DNAAF9: variants seen among roughly 807,000 people sequenced by gnomAD.
The protein encoded by DNAAF9 is shulin.
A neutral mutation model predicts 167.0 loss-of-function variants in DNAAF9; 90 were observed. The observed-to-expected ratio is 0.54, with a 90% CI of 0.45 to 0.64. The LOEUF (loss-of-function observed/expected upper bound fraction) is 0.64, where lower values mean the gene tolerates loss of function less well. DNAAF9 is among the 30% of genes least tolerant of loss of function. The pLI is 0.00. For missense variants in DNAAF9, 1,315 were observed against 1,442.2 expected (o/e 0.91, Z 1.43); for synonymous variants, 491 against 508.8 (o/e 0.96, Z 0.47).
intron 25 of DNAAF9, among the ~76,000 whole-genome samples, chr20:3,292,721 G>C (rs573672478): frequency 1.3e-5 from 2 of 150,468 alleles, no homozygotes; most frequent in South Asian, 2.1e-4. Flanking sequence ...AGCCGAGATC[G>C]GGCCCCTGCA....
chr20:3,258,824 A>C (rs528317719), intron 33 of DNAAF9, among the ~76,000 whole-genome samples: 1 of 151,632 alleles, frequency 6.6e-6, no homozygotes, highest in South Asian at 2.1e-4. Context: ...TAACAGACGC[A>C]CTCCCTCTCT....
intron 7 of DNAAF9, among the ~76,000 whole-genome samples, chr20:3,354,972 C>T (rs867300025): frequency 1.6e-4 from 24 of 152,278 alleles, no homozygotes; most frequent in South Asian, 1.2e-3. Context: ...ATTAAAGATG[C>T]TCTCCCGAGT....
chr20:3,350,428 T>C (rs2070300087), intron 7 of DNAAF9, among the ~76,000 whole-genome samples: 1 of 152,094 alleles, frequency 6.6e-6, no homozygotes, highest in Admixed American at 6.6e-5. Flanking sequence ...TGTATACAGG[T>C]ATCTTATCTA....
chr20:3,345,494 A>C (rs6037562), intron 8 of DNAAF9, among the ~76,000 whole-genome samples: 29,874 of 152,118 alleles, frequency 0.2, 3,139 homozygotes, highest in African/African-American at 0.25. Context: ...AGAGCTAGTG[A>C]ACTGTATAGC....
At chr20:3,289,081 C>A (rs1168196591) in intron 26 of DNAAF9, among the ~76,000 whole-genome samples, 1 of 152,138 alleles carries the variant, frequency 6.6e-6, no homozygotes, top group African/African-American at 2.4e-5. Flanking sequence ...TGCACAGTAG[C>A]GTGTGCCTGT....
chr20:3,316,028 C>A, intron 18 of DNAAF9: 1 of 557,844 alleles, frequency 1.8e-6, no homozygotes. Flanking sequence ...TTATGACAAG[C>A]AGAGGGGATG....
chr20:3,340,433 T>TCCCCAC, intron 10 of DNAAF9, 71 bp downstream of exon 10: 1 of 221,214 alleles, frequency 4.5e-6, no homozygotes, highest in Non-Finnish European at 9.5e-6. Context: ...TTTGTCTAGC[T>TCCCCAC]CCCCCCACCC....
At chr20:3,271,088 C>T (rs1326005883) in intron 29 of DNAAF9, among the ~76,000 whole-genome samples, 1 of 152,102 alleles carries the variant, frequency 6.6e-6, no homozygotes, top group Non-Finnish European at 1.5e-5. Flanking sequence ...GCTGGGATTA[C>T]AGACATGAGC....
intron 20 of DNAAF9, among the ~76,000 whole-genome samples, chr20:3,311,952 A>C (rs546216515): frequency 6.6e-6 from 1 of 152,138 alleles, no homozygotes; most frequent in South Asian, 2.1e-4. Flanking sequence ...GCTGAAAAAA[A>C]CTTCAAGGTA....
intron 20 of DNAAF9, among the ~76,000 whole-genome samples, chr20:3,306,448 C>A (rs76517610): frequency 0.041 from 6,306 of 152,288 alleles, 189 homozygotes; most frequent in African/African-American, 0.084. Flanking sequence ...GCAGTATTTA[C>A]TAAGCACCAC....
intron 27 of DNAAF9, among the ~76,000 whole-genome samples, chr20:3,286,720 T>C (rs2068858794): frequency 1.3e-5 from 2 of 152,066 alleles, no homozygotes; most frequent in Non-Finnish European, 2.9e-5. Flanking sequence ...TCAGTACCAC[T>C]CTCCCAGCTT....
At chr20:3,365,057 C>T (rs546760245) in intron 6 of DNAAF9, among the ~76,000 whole-genome samples, 111 of 151,960 alleles carry the variant, frequency 7.3e-4, no homozygotes, top group African/African-American at 2.6e-3. Context: ...TCCAGAAAGA[C>T]TGCTTCCTTC....
At chr20:3,290,787 C>A (rs1256533611) in intron 25 of DNAAF9, among the ~76,000 whole-genome samples, 1 of 135,314 alleles carries the variant, frequency 7.4e-6, no homozygotes, top group Non-Finnish European at 1.6e-5. Flanking sequence ...AGGGCTAAGT[C>A]TTTTTTTTTT....
intron 3 of DNAAF9, among the ~76,000 whole-genome samples, 168 bp from the exon 4 acceptor site, chr20:3,376,470 T>C (rs1312125310): frequency 6.6e-6 from 1 of 152,206 alleles, no homozygotes; most frequent in Non-Finnish European, 1.5e-5. Flanking sequence ...CCAAAAAGTA[T>C]CTGAGACAAG....
At chr20:3,353,259 C>T (rs1323713789) in intron 7 of DNAAF9, among the ~76,000 whole-genome samples, 1 of 152,016 alleles carries the variant, frequency 6.6e-6, no homozygotes, top group Non-Finnish European at 1.5e-5. Context: ...GTGCCCAAAG[C>T]CACCCATCTC....
Position 3,315,936 on chromosome 20 carries a change from G to A in DNAAF9, c.1540-151C>T, listed in dbSNP as rs935681640. 21 of 686,310 alleles carry A rather than the reference G, an allele frequency of 3.1e-5. No individual in the cohort carries two copies. Among genetic ancestry groups the A allele is most frequent in the Non-Finnish European group, 5.3e-5 (20 of 379,686 alleles). 42.5% of individuals were successfully genotyped at this position (686,310 alleles called of 1,614,324 possible). ...AGTGCTCTCAGGCCCTGACACACCT[G>A]AGATGTCTGCTGGTCACCTGGGCTC... On this transcript the variant is annotated intron_variant, in intron 18 of 36. Transcript: ENST00000252032. The surrounding 1 kb of genome is among the most constrained non-coding windows in gnomAD (Gnocchi z 4.1).
Position 3,396,996 on chromosome 20 carries a change from C to T in DNAAF9, c.83+10479G>A, listed in dbSNP as rs147345010. On this transcript the variant is annotated intron_variant, in intron 1 of 36. Coordinates refer to ENST00000252032, the MANE Select transcript of DNAAF9 (RefSeq NM_001009984.3). ...GCATGGTGGCTTATGCCTGTAATCC[C>T]AGCACTGGGGGAGGTCAAGGCAGGC... is the stretch of plus-strand genomic sequence containing the variant. Among the ~76,000 whole-genome samples, 136 of 152,282 alleles carry T rather than the reference C, an allele frequency of 8.9e-4. 1 individual carries two copies. Among genetic ancestry groups the T allele is most frequent in the African/African-American group, 3.1e-3 (128 of 41,570 alleles).
intron 1 of DNAAF9, among the ~76,000 whole-genome samples, chr20:3,388,164 T>C (rs2083778022): frequency 1.3e-5 from 2 of 151,902 alleles, no homozygotes; most frequent in Non-Finnish European, 2.9e-5. Flanking sequence ...ACACCTCTAA[T>C]CATTAGAGAA....
At chr20:3,385,486 T>C (rs1394496944) in intron 1 of DNAAF9, among the ~76,000 whole-genome samples, 2 of 152,090 alleles carry the variant, frequency 1.3e-5, no homozygotes, top group Non-Finnish European at 2.9e-5. Context: ...GGTGTGATCA[T>C]AGCTCACTGC....
Sources: allele counts gnomAD v4.1 joint callset (sites outside exome capture counted in the v4.1 genomes callset), GRCh38; gene constraint gnomAD v4.1.1; non-coding constraint Gnocchi (gnomAD v3.1); transcripts MANE v1.5; gene names NCBI Gene and HGNC (gene_info 2026-07-23, HGNC 2026-07-21).